SLC15A1: variants seen among roughly 807,000 people sequenced by gnomAD.
SLC15A1 encodes solute carrier family 15 member 1.
In SLC15A1, 83 loss-of-function variants were observed where a neutral mutation model predicts 92.9. That is an observed-to-expected ratio of 0.89 (90% CI 0.75 to 1.07). The LOEUF (loss-of-function observed/expected upper bound fraction) is 1.07. SLC15A1 is among the 50% of genes least tolerant of loss of function. The pLI is 0.00. For missense variants in SLC15A1, 857 were observed against 880.1 expected (o/e 0.97, Z 0.33); for synonymous variants, 322 against 318.2 (o/e 1.01, Z -0.13).
chr13:98,725,573 G>A (rs1177115960), intron 4 of SLC15A1, among the ~76,000 whole-genome samples: 2 of 152,188 alleles, frequency 1.3e-5, no homozygotes, highest in African/African-American at 2.4e-5. Context: ...GTGTCAAGAT[G>A]TGACAAAGAT....
chr13:98,712,059 C>G, intron 10 of SLC15A1, 116 bp from the exon 11 acceptor site: 1 of 735,216 alleles, frequency 1.4e-6, no homozygotes, highest in Non-Finnish European at 2.4e-6. Context: ...TAGAGGCAAG[C>G]TGGGAGGTGA....
At chr13:98,752,573 GC>G (rs1428946742) in intron 1 of SLC15A1, 21 bp downstream of exon 1, 6 of 1,260,366 alleles carry the variant, frequency 4.8e-6, no homozygotes, top group East Asian at 3.1e-5. Context: ...AGCCCGGCCG[GC>G]CCCCCACCCG....
intron 18 of SLC15A1, among the ~76,000 whole-genome samples, chr13:98,698,969 T>G (rs7994445): frequency 0.71 from 107,583 of 151,986 alleles, 39,161 homozygotes; most frequent in African/African-American, 0.87. Flanking sequence ...TCTTATTAAA[T>G]ATTTATTTAT....
At chr13:98,706,538 G>A (rs1015154916) in intron 15 of SLC15A1, among the ~76,000 whole-genome samples, 1 of 152,248 alleles carries the variant, frequency 6.6e-6, no homozygotes, top group Non-Finnish European at 1.5e-5. Flanking sequence ...ATCAGTGGGA[G>A]ATAACTGAAT....
chr13:98,710,147 C>T (rs1292542585), intron 11 of SLC15A1, among the ~76,000 whole-genome samples: 2 of 152,186 alleles, frequency 1.3e-5, no homozygotes, highest in Admixed American at 6.5e-5. Context: ...CCTCCTGAAG[C>T]TGCACAAAGC....
rs555361902 is a variant in SLC15A1, at chr13:98,709,578, T to C, written c.1061A>G (p.Asn354Ser). 3 of 1,614,058 alleles carry C rather than the reference T, an allele frequency of 1.9e-6. No homozygotes were observed. Among genetic ancestry groups the C allele is most frequent in the Admixed American group, 1.7e-5 (1 of 60,014 alleles). ...LYPLIAKCGF[N>S]FTSLKKMAVG... ...CAACCCACCCGTCACCTACGTGAAA[T>C]TGAAGCCACATTTTGCAATGAGAGG... The change falls in exon 14 of 23, where the codon AAT (asparagine) becomes AGT (serine). Residue 354 changes from asparagine (N) to serine (S), a missense_variant. Physicochemically the swap from Asn to Ser is conservative, Grantham distance 46. Coordinates refer to ENST00000376503, the MANE Select transcript of SLC15A1 (RefSeq NM_005073.4).
chr13:98,736,401 T>C (rs1482091096), intron 1 of SLC15A1, among the ~76,000 whole-genome samples: 2 of 152,136 alleles, frequency 1.3e-5, no homozygotes, highest in Non-Finnish European at 2.9e-5. Context: ...GAAGAAAACC[T>C]AGGCAATACC....
intron 7 of SLC15A1, among the ~76,000 whole-genome samples, chr13:98,719,951 T>G (rs1188874204): frequency 1.3e-5 from 2 of 151,682 alleles, no homozygotes; most frequent in African/African-American, 4.8e-5. Context: ...TCCCAGGATT[T>G]ATATATATAT....
At chr13:98,686,426 A>G (rs1037871233) in intron 21 of SLC15A1, 129 bp from the exon 22 acceptor site, 11 of 662,532 alleles carry the variant, frequency 1.7e-5, no homozygotes, top group Non-Finnish European at 3.0e-5. Flanking sequence ...GGTGGCCTCA[A>G]TGTAAAAAGG....
intron 1 of SLC15A1, among the ~76,000 whole-genome samples, chr13:98,734,182 T>C (rs1325627595): frequency 6.6e-6 from 1 of 152,160 alleles, no homozygotes; most frequent in Non-Finnish European, 1.5e-5. Context: ...GCCAGGCTGG[T>C]CTTGAACTCT....
At chr13:98,724,052 A>G (rs2088280200) in intron 4 of SLC15A1, 21 bp from the exon 5 acceptor site, 1 of 1,613,512 alleles carries the variant, frequency 6.2e-7, no homozygotes, top group South Asian at 1.1e-5. Flanking sequence ...AAAGATTAAG[A>G]GAATCCGAGT....
At chr13:98,728,464 A>C (rs191492428) in intron 1 of SLC15A1, among the ~76,000 whole-genome samples, 1 of 152,248 alleles carries the variant, frequency 6.6e-6, no homozygotes, top group Admixed American at 6.5e-5. Flanking sequence ...AGGCACAGAA[A>C]GATAGATATC....
At position 98,706,143 on chromosome 13, in the gene SLC15A1, T is replaced by C; in HGVS notation, c.1260A>G (p.Pro420=). Residue 420 remains proline, a synonymous_variant, in exon 16 of 23, where the codon CCA becomes CCG. Coordinates refer to ENST00000376503, the MANE Select transcript of SLC15A1 (RefSeq NM_005073.4). ...SLPGEMVTLG[P]MSQTNAFMTF... ...ATTTCCTTCTACTTACTTGAGACAT[T>C]GGGCCAAGTGTCACCATCTCTCCAG... 6.2e-7 allele frequency: 1 copy of C among 1,608,720 alleles called. No individual in the cohort carries two copies. The highest frequency in any genetic ancestry group is 8.5e-7 in the Non-Finnish European group (1 of 1,178,822).
rs754461092 is a variant in SLC15A1, at chr13:98,704,349, G to A, written c.1356C>T (p.Asp452=). ...TGTGGCGTTGGCCCTGCTTGAAGTC[G>A]TCAGTTACAGCAGTGACTGGTGATC... ...SPGSPVTAVT[D]DFKQGQRHTL... The change falls in exon 17 of 23, where the codon GAC becomes GAT. Residue 452 remains aspartate, a synonymous_variant. Transcript: ENST00000376503. 4.0e-5 allele frequency: 64 copies of A among 1,613,746 alleles called. No homozygotes were observed. The highest frequency in any genetic ancestry group is 2.9e-4 in the East Asian group (13 of 44,850).
intron 1 of SLC15A1, among the ~76,000 whole-genome samples, chr13:98,727,506 C>T (rs2088312101): frequency 6.6e-6 from 1 of 152,068 alleles, no homozygotes; most frequent in Non-Finnish European, 1.5e-5. Flanking sequence ...CAATACCTAC[C>T]ACTGGTAGGG....
At chr13:98,728,466 A>C (rs1051561055) in intron 1 of SLC15A1, among the ~76,000 whole-genome samples, 1 of 152,206 alleles carries the variant, frequency 6.6e-6, no homozygotes, top group African/African-American at 2.4e-5. Flanking sequence ...GCACAGAAAG[A>C]TAGATATCAC....
intron 4 of SLC15A1, among the ~76,000 whole-genome samples, chr13:98,724,495 C>A (rs2088283437): frequency 2.0e-5 from 3 of 152,084 alleles, no homozygotes; most frequent in Admixed American, 2.0e-4. Flanking sequence ...CAGAGCGAGA[C>A]CCTGTCTCTT....
intron 18 of SLC15A1, among the ~76,000 whole-genome samples, chr13:98,691,595 G>A (rs1044533124): frequency 6.6e-6 from 1 of 152,204 alleles, no homozygotes; most frequent in African/African-American, 2.4e-5. Flanking sequence ...TGAGTAAAGA[G>A]TGACTCCCTC....
chr13:98,742,530 TACA>T (rs976878672), intron 1 of SLC15A1, among the ~76,000 whole-genome samples: 1 of 152,150 alleles, frequency 6.6e-6, no homozygotes, highest in African/African-American at 2.4e-5. Flanking sequence ...CCGCGTGGCT[TACA>T]ACATGGAAAT....
Sources: allele counts gnomAD v4.1 joint callset (sites outside exome capture counted in the v4.1 genomes callset), GRCh38; gene constraint gnomAD v4.1.1; transcripts MANE v1.5; gene names NCBI Gene and HGNC (gene_info 2026-07-23, HGNC 2026-07-21).